Variants in CAST observed in about 807,000 individuals in gnomAD.
CAST encodes MIR583 host.
Under a neutral mutation model 119.6 loss-of-function variants are expected in CAST, and 76 were observed. The observed-to-expected ratio is 0.64, with a 90% CI of 0.53 to 0.77. The LOEUF (loss-of-function observed/expected upper bound fraction) is 0.77, where lower values mean the gene tolerates loss of function less well. Among genes scored for constraint, CAST ranks in the 30% least tolerant of loss-of-function variants. The pLI is 0.00. For synonymous variants in CAST, 319 were observed against 331.6 expected, an observed-to-expected ratio of 0.96 and a Z score of 0.41; for missense variants, 953 against 946.5, an observed-to-expected ratio of 1.01 and a Z score of -0.09.
At chr5:96,038,854 T>TA in the CAST span, among the ~76,000 whole-genome samples, 1 of 152,128 alleles carries the variant, frequency 6.6e-6, no homozygotes, top group Non-Finnish European at 1.5e-5. Context: ...GTCTTTGTCA[T>TA]AGAATGATTT....
the CAST span, among the ~76,000 whole-genome samples, chr5:96,179,759 G>A: frequency 1.3e-5 from 2 of 152,154 alleles, no homozygotes; most frequent in Non-Finnish European, 2.9e-5. Context: ...AGTGTAGGCC[G>A]GGCGCGGTGG....
the CAST span, among the ~76,000 whole-genome samples, chr5:96,211,315 A>C: frequency 6.6e-6 from 1 of 151,934 alleles, no homozygotes; most frequent in Non-Finnish European, 1.5e-5. Flanking sequence ...GAGGAAATTC[A>C]CTTCTATTTC....
At chr5:96,624,646 GC>G in intron 1 of CAST, among the ~76,000 whole-genome samples, 1 of 152,158 alleles carries the variant, frequency 6.6e-6, no homozygotes, top group East Asian at 1.9e-4. Flanking sequence ...GTGTCATGAG[GC>G]TTCTTAGCAT....
chr5:96,502,046 C>T, the CAST span, among the ~76,000 whole-genome samples: 2 of 151,706 alleles, frequency 1.3e-5, no homozygotes, highest in Non-Finnish European at 2.9e-5. Flanking sequence ...TTATTTTTCT[C>T]ACATAAAAAA....
intron 18 of CAST, among the ~76,000 whole-genome samples, chr5:96,747,633 A>G (rs1345069221): frequency 6.6e-6 from 1 of 152,174 alleles, no homozygotes; most frequent in Admixed American, 6.5e-5. Flanking sequence ...AATTTATTGC[A>G]CACTAGAAAC....
At chr5:96,038,706 CT>C in the CAST span, among the ~76,000 whole-genome samples, 2,781 of 152,138 alleles carry the variant, frequency 0.018, 23 homozygotes, top group Non-Finnish European at 0.028. Context: ...TGAACTCATC[CT>C]TTTTTATGGC....
chr5:95,987,108 C>T, the CAST span, among the ~76,000 whole-genome samples: 1 of 152,068 alleles, frequency 6.6e-6, no homozygotes, highest in Non-Finnish European at 1.5e-5. Flanking sequence ...GCTTTCCTGA[C>T]CTTCGGACCC....
intron 1 of CAST, among the ~76,000 whole-genome samples, chr5:96,586,282 A>G (rs916863604): frequency 6.6e-6 from 1 of 152,098 alleles, no homozygotes; most frequent in African/African-American, 2.4e-5. Flanking sequence ...GGCTAGAAAT[A>G]TGTTTTTGTA....
rs1213777436 is a variant in CAST at position 96,729,228 on chromosome 5, G to T, written c.435+19G>T. 1.4e-6 allele frequency: 2 copies of T among 1,445,778 alleles called. No individual in the cohort carries two copies. Among genetic ancestry groups the T allele is most frequent in the African/African-American group, 1.4e-5 (1 of 70,794 alleles). The allele number at this position is 1,445,778 out of a possible 1,614,324, so 89.6% of individuals were successfully genotyped here. A position where few individuals can be genotyped will look rare whatever the true frequency, so the allele number is the denominator to read the frequency against. On this transcript the variant is annotated intron_variant, in intron 7 of 31. Coordinates refer to ENST00000675179, the MANE Select transcript of CAST (RefSeq NM_001750.7). ...CACAGAGGTAAATGATTATCATCAG[G>T]ACTTAATTATAAGGCAACCTCTTTT...
chr5:96,251,462 C>T, the CAST span, among the ~76,000 whole-genome samples: 1,077 of 152,114 alleles, frequency 7.1e-3, 11 homozygotes, highest in African/African-American at 0.025. Context: ...CCCCAAAGAT[C>T]GCAGATTTCA....
At chr5:96,618,889 G>C (rs892181160) in intron 1 of CAST, among the ~76,000 whole-genome samples, 1 of 152,210 alleles carries the variant, frequency 6.6e-6, no homozygotes, top group African/African-American at 2.4e-5. Context: ...CCGCAGCCCC[G>C]GCACAGGATC....
chr5:96,098,801 T>G, the CAST span, among the ~76,000 whole-genome samples: 1 of 152,354 alleles, frequency 6.6e-6, no homozygotes, highest in African/African-American at 2.4e-5. Flanking sequence ...GCCTTGGCTA[T>G]TCCAGTTCTT....
At chr5:96,188,137 C>A in the CAST span, among the ~76,000 whole-genome samples, 2 of 152,128 alleles carry the variant, frequency 1.3e-5, no homozygotes, top group Admixed American at 6.5e-5. Flanking sequence ...CTTTTTATTA[C>A]ACAAAATGAT....
chr5:96,095,556 C>CAAAA, the CAST span, among the ~76,000 whole-genome samples: 18 of 57,540 alleles, frequency 3.1e-4, no homozygotes, highest in Admixed American at 8.6e-4. Flanking sequence ...GACTCTGTTT[C>CAAAA]AAAAAAAAAA....
the CAST span, among the ~76,000 whole-genome samples, chr5:96,456,219 A>C: frequency 6.6e-6 from 1 of 152,244 alleles, no homozygotes; most frequent in Non-Finnish European, 1.5e-5. Flanking sequence ...TGATTTCTTC[A>C]AGAAAAGCTA....
the CAST span, among the ~76,000 whole-genome samples, chr5:96,129,073 C>G: frequency 1.3e-5 from 2 of 152,038 alleles, no homozygotes; most frequent in East Asian, 1.9e-4. Context: ...GACTGAGCTA[C>G]CTAGCAATAG....
intron 1 of CAST, among the ~76,000 whole-genome samples, chr5:96,650,865 G>A (rs949673941): frequency 3.9e-5 from 6 of 152,030 alleles, no homozygotes; most frequent in South Asian, 2.1e-4. Context: ...GATAGAGAAG[G>A]TTTAGCAAAG....
the CAST span, among the ~76,000 whole-genome samples, chr5:96,375,275 A>G: frequency 2.0e-5 from 3 of 152,206 alleles, 1 homozygote; most frequent in African/African-American, 7.2e-5. Flanking sequence ...AAATAAAGGA[A>G]TGTTTTGTCA....
the CAST span, among the ~76,000 whole-genome samples, chr5:96,103,393 C>T: frequency 7.2e-6 from 1 of 139,578 alleles, no homozygotes; most frequent in Admixed American, 7.8e-5. Context: ...TGTTCCCCTT[C>T]CTGTGTCCAT....
Sources: gnomAD v4.1 joint callset for allele counts (sites outside exome capture counted in the v4.1 genomes callset) on GRCh38, gnomAD v4.1.1 for gene constraint, MANE v1.5 for transcripts, NCBI Gene and HGNC (gene_info 2026-07-23, HGNC 2026-07-21) for gene names.